ELF1: variants seen among roughly 807,000 people sequenced by gnomAD.
ELF1 encodes the protein ETS-related transcription factor Elf-1.
ELF1 carries 24 observed loss-of-function variants against 59.9 expected under a neutral mutation model. The observed-to-expected ratio is 0.40, with a 90% confidence interval of 0.29 to 0.56. ELF1 has a LOEUF of 0.56. Among genes scored for constraint, ELF1 ranks in the 20% least tolerant of loss-of-function variants. The pLI, the probability that ELF1 is intolerant of heterozygous loss-of-function variation, is 0.44. For missense variants in ELF1, 627 were observed against 742.2 expected (o/e 0.84, Z 1.80); for synonymous variants, 248 against 266.2 (o/e 0.93, Z 0.67).
chr13:40,997,902 G>T (rs375075587), intron 1 of ELF1, among the ~76,000 whole-genome samples: 81 of 152,200 alleles, frequency 5.3e-4, no homozygotes, highest in African/African-American at 1.8e-3. Flanking sequence ...CATAATCCCA[G>T]CACTTTGGGA....
Position 41,019,268 on chromosome 13 carries a change from T to A in ELF1, c.-269A>T. The A allele has an allele frequency of 1.0e-6, 1 of 985,334 alleles. No individual in the cohort carries two copies. Among genetic ancestry groups the A allele is most frequent in the Non-Finnish European group, 1.2e-6 (1 of 829,902 alleles). 61.0% of individuals were successfully genotyped at this position (985,334 alleles called of 1,614,324 possible). A position where few individuals can be genotyped will look rare whatever the true frequency, so the allele number is the denominator to read the frequency against. On this transcript the variant is annotated 5_prime_UTR_variant, in exon 1 of 9. Transcript: ENST00000239882. ...CTCTATCGTCTTTTGAGCTTGAAAA[T>A]AAAAAGCAATCCGACAAGTTTTAGC...
chr13:41,025,946 A>G (rs1269669008), intron 1 of ELF1, among the ~76,000 whole-genome samples: 1 of 152,196 alleles, frequency 6.6e-6, no homozygotes, highest in East Asian at 1.9e-4. Context: ...GCCCACCAGA[A>G]GCAGTTTCCT....
At chr13:41,060,938 C>CGCCGCCGCCGCCGCT (rs1566205501) in exon 1 of ELF1, 12 of 344,246 alleles carry the variant, frequency 3.5e-5, no homozygotes, top group African/African-American at 2.9e-4. Context: ...CCGCCGCCGC[C>CGCCGCCGCCGCCGCT]GCCGCCGCTG....
chr13:41,019,145 G>A (rs1036033068), intron 1 of ELF1, 83 bp downstream of exon 1: 2 of 964,456 alleles, frequency 2.1e-6, no homozygotes, highest in Admixed American at 6.2e-5. Context: ...ATTCAGCCAT[G>A]TTCTTCAACA....
chr13:40,934,036 G>T lies in ELF1; in HGVS notation c.1257-8C>A. The T allele has an allele frequency of 6.3e-7, 1 of 1,591,010 alleles. No homozygotes were observed. The highest frequency in any genetic ancestry group is 8.6e-7 in the Non-Finnish European group (1 of 1,166,584). On this transcript the variant is annotated splice_region_variant and splice_polypyrimidine_tract_variant and intron_variant, in intron 8 of 8. Coordinates refer to ENST00000239882, the MANE Select transcript of ELF1 (RefSeq NM_172373.4). ...GTTGGAGCCTGTATAGTCCTATTGA[G>T]ATGATGAAATTAAAGTGAGACAATT...
chr13:40,988,562 A>G (rs187432881), intron 1 of ELF1, among the ~76,000 whole-genome samples: 1 of 152,278 alleles, frequency 6.6e-6, no homozygotes, highest in Admixed American at 6.5e-5. Flanking sequence ...TTTCAACCAT[A>G]TTTTTAACTG....
chr13:41,058,371 C>T (rs991541964), intron 1 of ELF1, among the ~76,000 whole-genome samples: 1 of 152,184 alleles, frequency 6.6e-6, no homozygotes, highest in Non-Finnish European at 1.5e-5. Flanking sequence ...CAGGAGAAAT[C>T]CAATCAGTTC....
intron 2 of ELF1, among the ~76,000 whole-genome samples, chr13:40,963,061 G>A (rs367746373): frequency 2.2e-4 from 34 of 152,272 alleles, no homozygotes; most frequent in African/African-American, 7.0e-4. Context: ...ATTGCTTTAC[G>A]TGAATTATCA....
At chr13:41,041,676 AG>A (rs1462473917) in intron 1 of ELF1, among the ~76,000 whole-genome samples, 1 of 152,052 alleles carries the variant, frequency 6.6e-6, no homozygotes, top group Non-Finnish European at 1.5e-5. Context: ...CCCTTTTTCC[AG>A]GGGGAAAAAA....
At position 41,015,109 on chromosome 13, in the gene ELF1, GT is replaced by G. The variant is rs1875280594; in HGVS notation, c.-229+4118del. Among the ~76,000 whole-genome samples the G allele has an allele frequency of 7.2e-5, 11 of 152,234 alleles. No individual in the cohort carries two copies. In the South Asian group the frequency reaches 2.3e-3, roughly 32 times the overall value. Reference sequence around the variant, plus strand: ...TGCCACCCTAAATCAGTAAGGGGGTGTTTTTCCTAAAGCCCCAGGAGTAAGA... The same window carrying G: ...TGCCACCCTAAATCAGTAAGGGGGTGTTTTCCTAAAGCCCCAGGAGTAAGA... On this transcript the variant is annotated intron_variant, in intron 1 of 8. Transcript: ENST00000239882.
intron 6 of ELF1, 68 bp from the exon 7 acceptor site, chr13:40,943,212 TAA>T (rs775013150): frequency 9.6e-5 from 129 of 1,348,154 alleles, no homozygotes; most frequent in Non-Finnish European, 1.2e-4. Context: ...AAAAGACAAC[TAA>T]AAGTCTTAGA....
chr13:41,044,638 T>C (rs1417982813), intron 1 of ELF1, among the ~76,000 whole-genome samples: 1 of 152,212 alleles, frequency 6.6e-6, no homozygotes, highest in Non-Finnish European at 1.5e-5. Flanking sequence ...TTCCCCCGGA[T>C]GAAGCCCACT....
Position 40,933,239 on chromosome 13 carries a change from AAC to A in ELF1, c.*184_*185del. 2.8e-6 allele frequency: 2 copies of A among 717,346 alleles called. No homozygotes were observed. Among genetic ancestry groups the A allele is most frequent in the Non-Finnish European group, 4.3e-6 (2 of 465,286 alleles). 44.4% of individuals were successfully genotyped at this position (717,346 alleles called of 1,614,324 possible). ...CTGTTCCTTCACGATTGAATTCTGA[AAC>A]ATTTAGATAACAAAGAGAAACAGTT... On this transcript the variant is annotated 3_prime_UTR_variant, in exon 9 of 9. Transcript: ENST00000239882.
intron 1 of ELF1, among the ~76,000 whole-genome samples, chr13:41,031,443 A>G (rs924518775): frequency 5.3e-5 from 8 of 152,130 alleles, no homozygotes; most frequent in African/African-American, 1.9e-4. Flanking sequence ...CAATTCTGAC[A>G]TTTGATTTTA....
At chr13:40,966,971 T>C (rs1872214526) in intron 2 of ELF1, among the ~76,000 whole-genome samples, 1 of 152,142 alleles carries the variant, frequency 6.6e-6, no homozygotes, top group Non-Finnish European at 1.5e-5. Context: ...AGGGGTCTGG[T>C]GCCTTACTCC....
At chr13:40,993,648 T>A (rs1873984244) in intron 1 of ELF1, among the ~76,000 whole-genome samples, 2 of 151,976 alleles carry the variant, frequency 1.3e-5, no homozygotes, top group Admixed American at 6.6e-5. Flanking sequence ...ACCTGACTAA[T>A]TTTTTATAAT....
In ELF1 at chr13:41,036,801, G is replaced by A. The variant is rs1876399573; in HGVS notation, c.-229+24037C>T. 2.6e-5 allele frequency among the ~76,000 whole-genome samples: 4 copies of A among 152,260 alleles called. No homozygotes were observed. The South Asian group carries it at 8.3e-4, about 32-fold the overall frequency. On this transcript the variant is annotated intron_variant, in intron 1 of 1. Transcript: ENST00000405737. Reference sequence around the variant, plus strand: ...AAAAAATGATGAGTTCATGTCCTTTGTACAGATATGGATGAAACTGGAAAC... The same window carrying A: ...AAAAAATGATGAGTTCATGTCCTTTATACAGATATGGATGAAACTGGAAAC...
intron 1 of ELF1, among the ~76,000 whole-genome samples, chr13:41,004,757 A>G (rs909368180): frequency 9.2e-5 from 14 of 152,254 alleles, no homozygotes; most frequent in African/African-American, 3.4e-4. Context: ...TCAAATGCCA[A>G]TTTTTTTATG....
intron 1 of ELF1, among the ~76,000 whole-genome samples, chr13:41,014,034 T>C (rs760956976): frequency 6.6e-6 from 1 of 152,126 alleles, no homozygotes; most frequent in African/African-American, 2.4e-5. Flanking sequence ...TACTGCAGCA[T>C]GTAAAGTCAT....
Sources: gnomAD v4.1 joint callset for allele counts (sites outside exome capture counted in the v4.1 genomes callset) on GRCh38, gnomAD v4.1.1 for gene constraint, MANE v1.5 for transcripts, NCBI Gene and HGNC (gene_info 2026-07-23, HGNC 2026-07-21) for gene names.